Variants in RALA observed in about 807,000 individuals in gnomAD.
RALA encodes the protein RAS like proto-oncogene A.
RALA carries 5 observed loss-of-function variants against 24.0 expected under a neutral mutation model. That is an observed-to-expected ratio of 0.21 (90% CI 0.11 to 0.44). The LOEUF is 0.44. Ranked by LOEUF, RALA falls within the 20% of genes least tolerant of loss-of-function variation. The pLI is 0.99. For missense variants in RALA, 95 were observed against 241.2 expected, an observed-to-expected ratio of 0.39 and a Z score of 4.01; for synonymous variants, 77 against 83.8, an observed-to-expected ratio of 0.92 and a Z score of 0.44.
chr7:39,689,940 T>C (rs1792786640), intron 2 of RALA, among the ~76,000 whole-genome samples: 2 of 152,220 alleles, frequency 1.3e-5, no homozygotes, highest in Admixed American at 6.5e-5. Flanking sequence ...TGTAAATCAC[T>C]TTATTGACTT....
At chr7:39,659,573 G>A (rs1177193019) in intron 1 of RALA, among the ~76,000 whole-genome samples, 2 of 152,094 alleles carry the variant, frequency 1.3e-5, no homozygotes, top group Non-Finnish European at 2.9e-5. Flanking sequence ...TACATGATTC[G>A]TAATTTTATC....
chr7:39,685,812 A>C (rs754134120), intron 1 of RALA, among the ~76,000 whole-genome samples: 2 of 152,170 alleles, frequency 1.3e-5, no homozygotes, highest in Non-Finnish European at 2.9e-5. Flanking sequence ...TCTTCTATAA[A>C]ATAGCAGTAA....
At chr7:39,698,522 A>G (rs182299011) in intron 4 of RALA, among the ~76,000 whole-genome samples, 312 of 152,356 alleles carry the variant, frequency 2.0e-3, no homozygotes, top group Middle Eastern at 0.014. Flanking sequence ...GACAATTTGT[A>G]TGGCAAATAT....
intron 2 of RALA, among the ~76,000 whole-genome samples, 192 bp from the exon 3 acceptor site, chr7:39,690,190 T>A (rs1372787695): frequency 1.3e-5 from 2 of 152,198 alleles, no homozygotes; most frequent in African/African-American, 4.8e-5. Flanking sequence ...CCCTCTCTGT[T>A]TGCAAATGAG....
intron 1 of RALA, among the ~76,000 whole-genome samples, chr7:39,684,321 G>C (rs1792656272): frequency 6.6e-6 from 1 of 152,202 alleles, no homozygotes. Context: ...ATGCATTTAT[G>C]TATATGTGAT....
At chr7:39,640,734 TAAAG>T (rs1318998653) in intron 1 of RALA, among the ~76,000 whole-genome samples, 3 of 152,196 alleles carry the variant, frequency 2.0e-5, no homozygotes, top group Non-Finnish European at 4.4e-5. Flanking sequence ...CAGAATCAAT[TAAAG>T]AAAGAATAGT....
intron 1 of RALA, among the ~76,000 whole-genome samples, chr7:39,668,427 T>C (rs1436533625): frequency 6.6e-6 from 1 of 152,146 alleles, no homozygotes; most frequent in Non-Finnish European, 1.5e-5. Flanking sequence ...TATATTATGG[T>C]TTATGGTAAG....
chr7:39,699,118 GTTATTTTTTT>G (rs1792970803), intron 4 of RALA, among the ~76,000 whole-genome samples: 12 of 84,138 alleles, frequency 1.4e-4, no homozygotes, highest in African/African-American at 5.6e-4. Context: ...TGCTAAAAAT[GTTATTTTTTT>G]TTTTTTTTTT....
rs1465101558 is a variant in RALA, at chr7:39,639,085, C to CT, written c.-38+15263dup. On this transcript the variant is annotated intron_variant, in intron 1 of 4. Coordinates refer to ENST00000005257, the MANE Select transcript of RALA (RefSeq NM_005402.4). ...ATAGGTAGGTTCTTGGAAAATGTGA[C>CT]TTTAAGTGAAATGGTGTATAACAAA... Among the ~76,000 whole-genome samples the CT allele has an allele frequency of 3.3e-5, 5 of 152,104 alleles. No homozygotes were observed. In the East Asian group the frequency reaches 9.6e-4, roughly 29 times the overall value.
rs185647139 is a variant in RALA at position 39,685,808 on chromosome 7, A to G, written c.-37-823A>G. ...TTGTTGGGATGGGATGTCTTCTTCT[A>G]TAAAATAGCAGTAAGTAAGCATTTC... On this transcript the variant is annotated intron_variant, in intron 1 of 4. Coordinates refer to ENST00000005257, the MANE Select transcript of RALA (RefSeq NM_005402.4). Among the ~76,000 whole-genome samples, 30 of 152,294 alleles carry G rather than the reference A, an allele frequency of 2.0e-4. No individual in the cohort carries two copies. The Middle Eastern group carries it at 0.014, about 69-fold the overall frequency.
intron 1 of RALA, among the ~76,000 whole-genome samples, chr7:39,635,240 G>A (rs1298969704): frequency 6.6e-6 from 1 of 152,060 alleles, no homozygotes; most frequent in Non-Finnish European, 1.5e-5. Context: ...GCATGGTGGC[G>A]CGTGCCTGTC....
intron 4 of RALA, 131 bp downstream of exon 4, chr7:39,696,990 T>C (rs972698371): frequency 1.7e-4 from 149 of 869,670 alleles, no homozygotes; most frequent in Middle Eastern, 9.1e-4. Context: ...TTATCATCCC[T>C]GAATACTCAG....
intron 1 of RALA, among the ~76,000 whole-genome samples, chr7:39,639,174 A>G (rs1451870193): frequency 6.6e-6 from 1 of 152,254 alleles, no homozygotes; most frequent in African/African-American, 2.4e-5. Flanking sequence ...TCTGGTCACA[A>G]AAACATCACA....
At chr7:39,647,219 T>C (rs1791941856) in intron 1 of RALA, among the ~76,000 whole-genome samples, 1 of 152,158 alleles carries the variant, frequency 6.6e-6, no homozygotes, top group Admixed American at 6.5e-5. Flanking sequence ...ATTTTTGTAT[T>C]TTTTGTAGAC....
Position 39,706,199 on chromosome 7 carries a change from G to C in RALA, c.575G>C (p.Arg192Thr). The change falls in exon 5 of 5, where the codon AGG (arginine) becomes ACG (threonine). Residue 192 changes from arginine to threonine, a missense_variant. Transcript: ENST00000005257. The part of the protein sequence containing the change: ...DSKEKNGKKK[R>T]KSLAKRIRER... ...AAAGAAAAGAATGGAAAAAAGAAGA[G>C]GAAAAGTTTAGCCAAGAGAATCAGA... 1 of 1,609,832 alleles carries C rather than the reference G, an allele frequency of 6.2e-7. No homozygotes were observed. The highest frequency in any genetic ancestry group is 8.5e-7 in the Non-Finnish European group (1 of 1,179,100).
intron 1 of RALA, among the ~76,000 whole-genome samples, chr7:39,653,277 A>G (rs551597693): frequency 6.6e-6 from 1 of 151,990 alleles, no homozygotes; most frequent in South Asian, 2.1e-4. Flanking sequence ...ATCCGCCTGC[A>G]TCAGCCTCCC....
intron 1 of RALA, among the ~76,000 whole-genome samples, chr7:39,682,305 T>TTGCTGC (rs143125070): frequency 3.3e-5 from 5 of 151,432 alleles, no homozygotes; most frequent in East Asian, 1.9e-4. Context: ...GGTAATACCA[T>TTGCTGC]TGCTGCTGCT....
At chr7:39,689,408 T>C (rs1446883392) in intron 2 of RALA, among the ~76,000 whole-genome samples, 1 of 152,204 alleles carries the variant, frequency 6.6e-6, no homozygotes, top group Non-Finnish European at 1.5e-5. Flanking sequence ...AATAATTATT[T>C]ATTGAGTATC....
At chr7:39,652,617 C>G (rs946961476) in intron 1 of RALA, among the ~76,000 whole-genome samples, 2 of 152,014 alleles carry the variant, frequency 1.3e-5, no homozygotes, top group Admixed American at 6.5e-5. Flanking sequence ...TCTAATATTC[C>G]TCAGACTCCT....
Sources: gnomAD v4.1 joint callset for allele counts (sites outside exome capture counted in the v4.1 genomes callset) on GRCh38, gnomAD v4.1.1 for gene constraint, MANE v1.5 for transcripts, NCBI Gene and HGNC (gene_info 2026-07-23, HGNC 2026-07-21) for gene names.